The following FRMPD4 variants were observed in gnomAD, a reference collection of about 807,000 sequenced individuals.
FRMPD4 encodes FERM and PDZ domain-containing protein 4.
In FRMPD4, 22 loss-of-function variants were observed where a neutral mutation model predicts 94.1. The observed-to-expected ratio is 0.23, with a 90% CI of 0.17 to 0.33. FRMPD4 has a LOEUF of 0.33. FRMPD4 is among the 10% of genes least tolerant of loss of function. The probability of loss-of-function intolerance (pLI) is 1.00; values close to 1 mark genes in which losing one functional copy is unlikely to be tolerated. For synonymous variants in FRMPD4, 631 were observed against 548.6 expected (o/e 1.15, Z -2.10); for missense variants, 1,111 against 1,339.9 (o/e 0.83, Z 2.67).
intron 3 of FRMPD4, among the ~76,000 whole-genome samples, chrX:12,107,499 C>A (rs1312462684): frequency 1.8e-5 from 2 of 112,003 alleles, no homozygotes; most frequent in Non-Finnish European, 3.8e-5. Flanking sequence ...CGCCTCTCCC[C>A]CTCCAAAGGA....
intron 2 of FRMPD4, among the ~76,000 whole-genome samples, chrX:12,517,658 G>T (rs1404843051): frequency 1.8e-5 from 2 of 112,741 alleles, no homozygotes; most frequent in Non-Finnish European, 3.8e-5. Context: ...GGTGACCCCT[G>T]TTGGGGGTTC....
At chrX:11,976,918 TA>T (rs748532419) in intron 3 of FRMPD4, among the ~76,000 whole-genome samples, 1 of 111,692 alleles carries the variant, frequency 9.0e-6, no homozygotes, top group Non-Finnish European at 1.9e-5. Context: ...GTTCTTTTTT[TA>T]AAAAAAATGC....
intron 1 of FRMPD4, among the ~76,000 whole-genome samples, chrX:12,288,588 C>CTA (rs1398601232): frequency 9.0e-6 from 1 of 111,424 alleles, no homozygotes; most frequent in East Asian, 2.8e-4. Flanking sequence ...ACTATACTTC[C>CTA]TATTTTCCAA....
At chrX:12,024,333 A>G (rs1173630937) in intron 3 of FRMPD4, among the ~76,000 whole-genome samples, 1 of 112,198 alleles carries the variant, frequency 8.9e-6, no homozygotes, top group Admixed American at 9.4e-5. Context: ...AGGCACTTAT[A>G]TACCATTGTA....
chrX:11,944,263 T>C (rs1205372057), intron 3 of FRMPD4, among the ~76,000 whole-genome samples: 4 of 112,217 alleles, frequency 3.6e-5, no homozygotes, highest in Admixed American at 2.8e-4. Context: ...AATATTTTGC[T>C]TCTTCATCAT....
At chrX:12,034,065 G>A (rs1407605140) in intron 3 of FRMPD4, among the ~76,000 whole-genome samples, 1 of 112,448 alleles carries the variant, frequency 8.9e-6, no homozygotes, top group African/African-American at 3.2e-5. Context: ...GGGTGAAGAG[G>A]CCGTAGATTT....
At chrX:12,643,785 T>A (rs772847413) in intron 4 of FRMPD4, among the ~76,000 whole-genome samples, 1 of 111,790 alleles carries the variant, frequency 8.9e-6, no homozygotes, top group East Asian at 2.8e-4. Context: ...TTCCTCAGAG[T>A]TCTCCATTAT....
At chrX:12,680,185 T>C (rs771455490) in intron 5 of FRMPD4, among the ~76,000 whole-genome samples, 2 of 112,300 alleles carry the variant, frequency 1.8e-5, no homozygotes, top group South Asian at 7.5e-4. Context: ...TGTGGCCATC[T>C]TAGCAACAGC....
At chrX:11,837,906 T>A (rs980163388) in intron 1 of FRMPD4, among the ~76,000 whole-genome samples, 1 of 111,538 alleles carries the variant, frequency 9.0e-6, no homozygotes, top group Non-Finnish European at 1.9e-5. Flanking sequence ...ATTAAATCAT[T>A]AAGAATCTAG....
At chrX:11,977,877 A>G (rs1337826777) in intron 3 of FRMPD4, among the ~76,000 whole-genome samples, 1 of 111,396 alleles carries the variant, frequency 9.0e-6, no homozygotes, top group African/African-American at 3.3e-5. Flanking sequence ...TTTCAGAGGA[A>G]GTCTTCAGGT....
intron 3 of FRMPD4, among the ~76,000 whole-genome samples, chrX:11,960,678 A>C (rs376778922): frequency 0.012 from 1,328 of 111,698 alleles, 5 homozygotes; most frequent in South Asian, 0.018. Context: ...CCTTGTGTGC[A>C]CCATCCACTC....
intron 3 of FRMPD4, among the ~76,000 whole-genome samples, chrX:11,879,087 TG>T (rs1325626340): frequency 1.8e-5 from 2 of 112,365 alleles, no homozygotes; most frequent in East Asian, 2.8e-4. Context: ...AACCTTTTTT[TG>T]TTATGCAGTT....
chrX:12,243,790 C>CTTTTTTTTTTT (rs148889684), intron 1 of FRMPD4, among the ~76,000 whole-genome samples: 1 of 22,914 alleles, frequency 4.4e-5, no homozygotes, highest in Non-Finnish European at 6.9e-5. Flanking sequence ...ATCTAAAGGG[C>CTTTTTTTTTTT]TTTTTTTTTT....
intron 3 of FRMPD4, among the ~76,000 whole-genome samples, chrX:11,930,926 A>C (rs2147351985): frequency 9.0e-6 from 1 of 110,898 alleles, no homozygotes; most frequent in East Asian, 2.8e-4. Context: ...CTTGAAGTGT[A>C]GTGGGGATGA....
intron 1 of FRMPD4, among the ~76,000 whole-genome samples, chrX:11,859,621 G>C (rs1424105483): frequency 1.8e-5 from 2 of 112,077 alleles, no homozygotes; most frequent in African/African-American, 6.5e-5. Context: ...AACTATTTTA[G>C]AAATAACATT....
At chrX:12,015,702 AG>A (rs1233077475) in intron 3 of FRMPD4, among the ~76,000 whole-genome samples, 1 of 112,458 alleles carries the variant, frequency 8.9e-6, no homozygotes, top group African/African-American at 3.2e-5. Context: ...TTAGTCTTCA[AG>A]GGATGTTCTT....
At chrX:12,044,125 A>G (rs1018699216) in intron 3 of FRMPD4, among the ~76,000 whole-genome samples, 11 of 112,250 alleles carry the variant, frequency 9.8e-5, no homozygotes, top group Non-Finnish European at 1.5e-4. Flanking sequence ...GTCTTAAATC[A>G]ATTTAGCAAT....
At chrX:12,176,155 C>T (rs1227332070) in intron 1 of FRMPD4, among the ~76,000 whole-genome samples, 1 of 112,256 alleles carries the variant, frequency 8.9e-6, no homozygotes, top group Non-Finnish European at 1.9e-5. Context: ...AAGCAAGCTT[C>T]AGCGCATATT....
At chrX:12,057,162 T>G (rs1332793274) in intron 3 of FRMPD4, among the ~76,000 whole-genome samples, 2 of 112,009 alleles carry the variant, frequency 1.8e-5, no homozygotes, top group Non-Finnish European at 3.8e-5. Context: ...CTCTATCAAT[T>G]AGTTACATTA....
Sources: gnomAD v4.1 joint callset for allele counts (sites outside exome capture counted in the v4.1 genomes callset) on GRCh38, gnomAD v4.1.1 for gene constraint, MANE v1.5 for transcripts, NCBI Gene and HGNC (gene_info 2026-07-23, HGNC 2026-07-21) for gene names.